Variants in GPATCH2L observed in about 807,000 individuals in gnomAD.
GPATCH2L encodes G patch domain-containing protein 2-like.
In GPATCH2L, 31 loss-of-function variants were observed where a neutral mutation model predicts 57.4. The observed-to-expected ratio is 0.54, with a 90% CI of 0.41 to 0.73. The LOEUF (loss-of-function observed/expected upper bound fraction) is 0.73, where lower values mean the gene tolerates loss of function less well. Among genes scored for constraint, GPATCH2L ranks in the 30% least tolerant of loss-of-function variants. The pLI is 0.00. For synonymous variants in GPATCH2L, 199 were observed against 210.7 expected (o/e 0.94, Z 0.48); for missense variants, 481 against 599.9 (o/e 0.80, Z 2.07).
intron 9 of GPATCH2L, among the ~76,000 whole-genome samples, chr14:76,197,639 G>A (rs1024036899): frequency 2.0e-5 from 3 of 151,994 alleles, no homozygotes; most frequent in East Asian, 1.9e-4. Flanking sequence ...GCCTAACATC[G>A]GGCCATCTCG....
At chr14:76,219,422 G>A (rs2040504131) in intron 1 of GPATCH2L, among the ~76,000 whole-genome samples, 1 of 152,198 alleles carries the variant, frequency 6.6e-6, no homozygotes, top group Non-Finnish European at 1.5e-5. Flanking sequence ...TGGCAAATGT[G>A]TAGTTAAATA....
intron 8 of GPATCH2L, among the ~76,000 whole-genome samples, chr14:76,183,278 C>G (rs1054572616): frequency 1.6e-4 from 25 of 152,176 alleles, no homozygotes; most frequent in Non-Finnish European, 3.4e-4. Flanking sequence ...ATGCTCAGCT[C>G]TAGGGTAATA....
At chr14:76,158,114 A>T (rs1186341833) in intron 2 of GPATCH2L, among the ~76,000 whole-genome samples, 1 of 152,072 alleles carries the variant, frequency 6.6e-6, no homozygotes, top group Non-Finnish European at 1.5e-5. Context: ...GTTCCCCTTG[A>T]ATATAGTTTA....
rs2040352175 is a variant in GPATCH2L at position 76,204,422 on chromosome 14, A to T, written c.*2571A>T. On this transcript the variant is annotated 3_prime_UTR_variant, in exon 10 of 10. Coordinates refer to ENST00000261530, the MANE Select transcript of GPATCH2L (RefSeq NM_017926.4). Reference sequence around the variant, plus strand: ...CACAGGGTTGTAAATTGTGCTCCTCATTTTAAGGTGCTGTACGTGCATGTT... The same window carrying T: ...CACAGGGTTGTAAATTGTGCTCCTCTTTTTAAGGTGCTGTACGTGCATGTT... The T allele has an allele frequency of 6.6e-6, 1 of 152,192 alleles. No homozygotes were observed. Among genetic ancestry groups the T allele is most frequent in the Non-Finnish European group, 1.5e-5 (1 of 68,036 alleles). 9.4% of individuals were successfully genotyped at this position (152,192 alleles called of 1,614,324 possible).
At chr14:76,184,114 AG>A (rs1376452199) in intron 8 of GPATCH2L, among the ~76,000 whole-genome samples, 1 of 150,288 alleles carries the variant, frequency 6.7e-6, no homozygotes, top group Non-Finnish European at 1.5e-5. Context: ...CAAAGAGAGA[AG>A]TGTTTCCTGT....
In GPATCH2L at chr14:76,204,124, AACTAAGCCAGG is replaced by A. The variant is rs2139833251; in HGVS notation, c.*2278_*2288del. 1 of 152,342 alleles carries A rather than the reference AACTAAGCCAGG, an allele frequency of 6.6e-6. No homozygotes were observed. The highest frequency in any genetic ancestry group is 1.9e-4 in the East Asian group (1 of 5,192). 9.4% of individuals were successfully genotyped at this position (152,342 alleles called of 1,614,324 possible). ...TTGAGTGACTTGCTCCAAATCACAT[AACTAAGCCAGG>A]ACTAGAATCCCAGACTTTCAGATTT... is the stretch of plus-strand genomic sequence containing the variant. On this transcript the variant is annotated 3_prime_UTR_variant, in exon 10 of 10. Coordinates refer to ENST00000261530, the MANE Select transcript of GPATCH2L (RefSeq NM_017926.4).
intron 2 of GPATCH2L, among the ~76,000 whole-genome samples, chr14:76,158,792 T>C (rs2038431078): frequency 6.6e-6 from 1 of 152,242 alleles, no homozygotes; most frequent in South Asian, 2.1e-4. Flanking sequence ...AGTGTGCTTA[T>C]GTGGGTATAT....
chr14:76,220,891 G>A (rs1334770680), intron 1 of GPATCH2L, among the ~76,000 whole-genome samples: 1 of 151,990 alleles, frequency 6.6e-6, no homozygotes, highest in African/African-American at 2.4e-5. Flanking sequence ...GAACTATATG[G>A]CAATTTTTAA....
chr14:76,201,972 C>CTGGGT lies in GPATCH2L; in HGVS notation c.*122_*123insGGGTT. The CTGGGT allele has an allele frequency of 2.7e-6, 2 of 728,030 alleles. No homozygotes were observed. Among genetic ancestry groups the CTGGGT allele is most frequent in the Non-Finnish European group, 4.4e-6 (2 of 449,788 alleles). The allele number at this position is 728,030 out of a possible 1,614,324, so 45.1% of individuals were successfully genotyped here. A position where few individuals can be genotyped will look rare whatever the true frequency, so the allele number is the denominator to read the frequency against. ...CCAGTCCTTTCACCACCAGAACCAACTCCTCTTTCAAACACAGCAGTGGAT... is the reference window on the plus strand; with the variant it reads ...CCAGTCCTTTCACCACCAGAACCAACTGGGTTCCTCTTTCAAACACAGCAGTGGAT... On this transcript the variant is annotated 3_prime_UTR_variant, in exon 10 of 10. Transcript: ENST00000261530.
intron 2 of GPATCH2L, among the ~76,000 whole-genome samples, chr14:76,156,979 T>C (rs1393330783): frequency 6.6e-6 from 1 of 152,246 alleles, no homozygotes; most frequent in Non-Finnish European, 1.5e-5. Flanking sequence ...GGAATTCTTA[T>C]GAAATTCTTA....
intron 2 of GPATCH2L, among the ~76,000 whole-genome samples, chr14:76,157,387 A>T (rs554127469): frequency 6.6e-6 from 1 of 152,366 alleles, no homozygotes; most frequent in South Asian, 2.1e-4. Context: ...GTAAGGAGAT[A>T]ATAGTATATG....
At chr14:76,170,467 A>G (rs1429957282) in intron 3 of GPATCH2L, 1 of 152,224 alleles carries the variant, frequency 6.6e-6, no homozygotes, top group Non-Finnish European at 1.5e-5. Context: ...TACTACCAAC[A>G]GTCTGGATAT....
chr14:76,163,113 C>T (rs2038672770), intron 2 of GPATCH2L, among the ~76,000 whole-genome samples: 1 of 152,148 alleles, frequency 6.6e-6, no homozygotes. Context: ...TGTAGTGGCC[C>T]TTCAGTGAAC....
chr14:76,201,235 C>A (rs1032982434), intron 9 of GPATCH2L, among the ~76,000 whole-genome samples: 17 of 151,968 alleles, frequency 1.1e-4, no homozygotes, highest in African/African-American at 4.1e-4. Flanking sequence ...GTGCTTGAAT[C>A]TTGATATTTA....
chr14:76,196,347 C>T, intron 9 of GPATCH2L: 3 of 443,672 alleles, frequency 6.8e-6, no homozygotes, highest in East Asian at 3.7e-5. Flanking sequence ...CAGTACAGTA[C>T]ATTCTTACTG....
intron 5 of GPATCH2L, chr14:76,174,383 G>A (rs1455279712): frequency 2.6e-5 from 4 of 152,216 alleles, no homozygotes; most frequent in Admixed American, 2.0e-4. Flanking sequence ...CAGAGAAGAT[G>A]GTGGTGGGCA....
chr14:76,189,372 C>T (rs2039883857), intron 8 of GPATCH2L, among the ~76,000 whole-genome samples: 1 of 148,148 alleles, frequency 6.8e-6, no homozygotes, highest in Non-Finnish European at 1.5e-5. Flanking sequence ...GTGTCTTCTT[C>T]AATTTCTTTC....
chr14:76,197,411 TC>T (rs1361372327), intron 9 of GPATCH2L, among the ~76,000 whole-genome samples: 1 of 152,224 alleles, frequency 6.6e-6, no homozygotes, highest in East Asian at 1.9e-4. Flanking sequence ...TGTTCCATTT[TC>T]AGGTTGGGAA....
chr14:76,160,187 G>A (rs910879219), intron 2 of GPATCH2L, among the ~76,000 whole-genome samples: 1 of 152,104 alleles, frequency 6.6e-6, no homozygotes, highest in Non-Finnish European at 1.5e-5. Flanking sequence ...AATGGGAAGA[G>A]AAGGATAGAA....
Sources: gnomAD v4.1 joint callset for allele counts (sites outside exome capture counted in the v4.1 genomes callset) on GRCh38, gnomAD v4.1.1 for gene constraint, MANE v1.5 for transcripts, NCBI Gene and HGNC (gene_info 2026-07-23, HGNC 2026-07-21) for gene names.